Variants in GRIK2 observed in about 807,000 individuals in gnomAD.
GRIK2 encodes the protein glutamate ionotropic receptor kainate type subunit 2, also known as glutamate receptor ionotropic, kainate 2.
A neutral mutation model predicts 100.3 loss-of-function variants in GRIK2; 32 were observed. The ratio of observed to expected loss-of-function variants is 0.32; its 90% CI spans 0.24 to 0.43. GRIK2 has a LOEUF of 0.43. Ranked by LOEUF, GRIK2 falls within the 20% of genes least tolerant of loss-of-function variation. GRIK2 has a pLI of 1.00. For synonymous variants in GRIK2, 417 were observed against 389.4 expected, an observed-to-expected ratio of 1.07 and a Z score of -0.83; for missense variants, 843 against 1,114.9, an observed-to-expected ratio of 0.76 and a Z score of 3.47.
In GRIK2 at chr6:101,898,962, T is replaced by A. The variant is rs551118138; in HGVS notation, c.1748+9099T>A. 4.3e-4 allele frequency among the ~76,000 whole-genome samples: 65 copies of A among 152,084 alleles called. 2 individuals are homozygous for A. Among genetic ancestry groups the A allele is most frequent in the African/African-American group, 1.5e-3 (63 of 41,558 alleles). On this transcript the variant is annotated intron_variant, in intron 12 of 16. Transcript: ENST00000369134. ...CATCAACCAGTGTAACTTCATTCATTAGAGCATCTCACAACACCTTAATTG... is the reference window on the plus strand; with the variant it reads ...CATCAACCAGTGTAACTTCATTCATAAGAGCATCTCACAACACCTTAATTG...
rs561684091 is a variant in GRIK2, at chr6:102,062,113, A to G, written c.2563-6234A>G. Among the ~76,000 whole-genome samples, 34 of 150,422 alleles carry G rather than the reference A, an allele frequency of 2.3e-4. No individual in the cohort carries two copies. In the South Asian group the frequency reaches 7.1e-3, roughly 31 times the overall value. ...CTCCATCCCATTGTGTTTGCAAAAT[A>G]CAATATGAGGATATTGGGTAACTGT... is the stretch of plus-strand genomic sequence containing the variant. On this transcript the variant is annotated intron_variant, in intron 16 of 16. Transcript: ENST00000369134.
intron 2 of GRIK2, among the ~76,000 whole-genome samples, chr6:101,443,237 G>A (rs893554635): frequency 6.6e-6 from 1 of 152,226 alleles, no homozygotes; most frequent in South Asian, 2.1e-4. Context: ...TAAATAAAGT[G>A]AGTAAAGTAC....
At chr6:101,607,185 G>A (rs187388547) in intron 2 of GRIK2, among the ~76,000 whole-genome samples, 16 of 152,026 alleles carry the variant, frequency 1.1e-4, no homozygotes, top group South Asian at 2.1e-4. Context: ...TTGGGAAACC[G>A]TTTCAGTTGT....
At chr6:101,545,395 A>T (rs1776184053) in intron 2 of GRIK2, among the ~76,000 whole-genome samples, 1 of 152,160 alleles carries the variant, frequency 6.6e-6, no homozygotes, top group Non-Finnish European at 1.5e-5. Flanking sequence ...TTCCAGTTTG[A>T]GTCATCTAAA....
rs181928231 is a variant in GRIK2, at chr6:101,691,962, G to A, written c.951+5609G>A. 6.9e-4 allele frequency among the ~76,000 whole-genome samples: 104 copies of A among 150,098 alleles called. 1 individual carries two copies. Among genetic ancestry groups the A allele is most frequent in the East Asian group, 2.2e-3 (11 of 5,050 alleles). ...AGCTATGTGGGAGGCTGAGGTGGGAGGATCACTTGAGCCTGGGAAGTTGAG... is the reference window on the plus strand; with the variant it reads ...AGCTATGTGGGAGGCTGAGGTGGGAAGATCACTTGAGCCTGGGAAGTTGAG... On this transcript the variant is annotated intron_variant, in intron 7 of 16. Transcript: ENST00000369134.
chr6:101,675,474 G>A (rs1770766849), intron 4 of GRIK2, among the ~76,000 whole-genome samples: 1 of 152,084 alleles, frequency 6.6e-6, no homozygotes, highest in African/African-American at 2.4e-5. Flanking sequence ...ATTTTTAAAA[G>A]ATAAGAAGAA....
chr6:101,483,985 C>G (rs1339364436), intron 2 of GRIK2, among the ~76,000 whole-genome samples: 2 of 152,178 alleles, frequency 1.3e-5, no homozygotes, highest in African/African-American at 4.8e-5. Flanking sequence ...AGATATTGGG[C>G]AGCCAGTTAG....
At chr6:101,542,898 G>C (rs896731936) in intron 2 of GRIK2, among the ~76,000 whole-genome samples, 5 of 152,010 alleles carry the variant, frequency 3.3e-5, no homozygotes, top group African/African-American at 9.7e-5. Context: ...AATGTGTTTA[G>C]ATTTCAAGCC....
intron 14 of GRIK2, among the ~76,000 whole-genome samples, chr6:102,002,973 G>A (rs1795029814): frequency 6.6e-6 from 1 of 151,018 alleles, no homozygotes; most frequent in African/African-American, 2.4e-5. Context: ...TTATACAGTG[G>A]CTTGAATAGG....
chr6:101,804,506 G>A (rs1042133843), intron 9 of GRIK2, among the ~76,000 whole-genome samples: 1 of 151,984 alleles, frequency 6.6e-6, no homozygotes, highest in African/African-American at 2.4e-5. Context: ...GTGACAGAAG[G>A]CATTAACTGA....
chr6:101,915,704 T>G (rs1440671909), intron 12 of GRIK2, among the ~76,000 whole-genome samples: 1 of 151,382 alleles, frequency 6.6e-6, no homozygotes, highest in Non-Finnish European at 1.5e-5. Flanking sequence ...GTGAGTTTGA[T>G]ATGGTGCCTT....
Position 101,626,542 on chromosome 6 carries a change from T to A in GRIK2, c.446T>A (p.Leu149His), listed in dbSNP as rs1562269650. ...AACAAAGATTCCTTCTATGTCAGTCTCTACCCAGACTTCTCTTCACTCAGC... is the reference window on the plus strand; with the variant it reads ...AACAAAGATTCCTTCTATGTCAGTCACTACCCAGACTTCTCTTCACTCAGC... The part of the protein sequence containing the change: ...SDNKDSFYVS[L>H]YPDFSSLSRA... Residue 149 changes from leucine (L) to histidine (H), a missense_variant, in exon 4 of 17, where the codon CTC becomes CAC. Physicochemically the swap from Leu to His is moderately conservative, Grantham distance 99. Around this residue, in one of 3 missense-constraint regions of GRIK2, gnomAD observed 519 missense variants for 643.8 expected, o/e 0.81. Coordinates refer to ENST00000369134, the MANE Select transcript of GRIK2 (RefSeq NM_021956.5). 3 of 1,613,852 alleles carry A rather than the reference T, an allele frequency of 1.9e-6. No individual in the cohort carries two copies. Among genetic ancestry groups the A allele is most frequent in the Non-Finnish European group, 2.5e-6 (3 of 1,179,872 alleles).
At chr6:102,022,585 T>A (rs2114370866) in intron 14 of GRIK2, among the ~76,000 whole-genome samples, 1 of 151,854 alleles carries the variant, frequency 6.6e-6, no homozygotes, top group African/African-American at 2.4e-5. Context: ...TTTTCATGAT[T>A]AATTTGAATG....
In GRIK2 at chr6:101,414,141, A is replaced by G. The variant is rs140598592; in HGVS notation, c.115+14749A>G. 5.2e-3 allele frequency among the ~76,000 whole-genome samples: 786 copies of G among 152,362 alleles called. 18 individuals carry two copies. The highest frequency in any genetic ancestry group is 0.039 in the Admixed American group (604 of 15,300). On this transcript the variant is annotated intron_variant, in intron 2 of 16. Coordinates refer to ENST00000369134, the MANE Select transcript of GRIK2 (RefSeq NM_021956.5). ...GCACACAATAATATGTAAATATTCT[A>G]ACATGAAGGGAGGCATCTAGCAGTT...
chr6:101,763,453 C>A (rs181081536), intron 7 of GRIK2, among the ~76,000 whole-genome samples: 1 of 152,278 alleles, frequency 6.6e-6, no homozygotes, highest in African/African-American at 2.4e-5. Flanking sequence ...GTCTATGTCT[C>A]CCAGAAGACA....
At chr6:101,551,330 C>T (rs999430979) in intron 2 of GRIK2, among the ~76,000 whole-genome samples, 20 of 152,038 alleles carry the variant, frequency 1.3e-4, no homozygotes, top group East Asian at 1.2e-3. Flanking sequence ...GTGGTGGTGA[C>T]TTAAGCCCAT....
intron 10 of GRIK2, among the ~76,000 whole-genome samples, chr6:101,838,418 AT>A (rs1328357132): frequency 6.6e-6 from 1 of 152,092 alleles, no homozygotes; most frequent in African/African-American, 2.4e-5. Context: ...AACTCTATAT[AT>A]TTTCAATGTG....
intron 9 of GRIK2, among the ~76,000 whole-genome samples, chr6:101,804,490 C>A (rs1173940486): frequency 6.6e-6 from 1 of 151,898 alleles, no homozygotes; most frequent in Non-Finnish European, 1.5e-5. Context: ...GATGAGTAAA[C>A]AGTTTGTGAC....
intron 7 of GRIK2, among the ~76,000 whole-genome samples, chr6:101,768,055 T>G (rs1778145977): frequency 6.6e-6 from 1 of 151,896 alleles, no homozygotes; most frequent in Admixed American, 6.6e-5. Context: ...AATGGGGTTT[T>G]ACCATGTTGC....
Sources: gnomAD v4.1 joint callset for allele counts (sites outside exome capture counted in the v4.1 genomes callset) on GRCh38, gnomAD v4.1.1 for gene constraint, gnomAD v4.1.1 regional missense constraint, MANE v1.5 for transcripts, NCBI Gene and HGNC (gene_info 2026-07-23, HGNC 2026-07-21) for gene names.